Variants in TPR observed in about 807,000 individuals in gnomAD.
TPR encodes the protein nucleoprotein TPR.
TPR carries 51 observed loss-of-function variants against 316.1 expected under a neutral mutation model. The ratio of observed to expected loss-of-function variants is 0.16; its 90% CI spans 0.13 to 0.20. TPR has a LOEUF of 0.20. Among genes scored for constraint, TPR ranks in the 10% least tolerant of loss-of-function variants. TPR has a pLI of 1.00. For synonymous variants in TPR, 981 were observed against 914.7 expected (o/e 1.07, Z -1.31); for missense variants, 2,272 against 2,754.8 (o/e 0.82, Z 3.92).
Position 186,323,750 on chromosome 1 carries a change from G to A in TPR, c.6233C>T (p.Pro2078Leu), listed in dbSNP as rs1394151332. 1 of 1,539,334 alleles carries A rather than the reference G, an allele frequency of 6.5e-7. No individual in the cohort carries two copies. The highest frequency in any genetic ancestry group is 1.4e-5 in the African/African-American group (1 of 69,078). The part of the protein sequence containing the change: ...PRAPQSPRRP[P>L]HPLPPRLTIH... ...GGTCAGTCTTGGGGGAAGTGGATGTGGTGGGCGTCTCGGTGACTGAGGTGC... is the reference window on the plus strand; with the variant it reads ...GGTCAGTCTTGGGGGAAGTGGATGTAGTGGGCGTCTCGGTGACTGAGGTGC... Residue 2078 changes from proline to leucine, a missense_variant, in exon 43 of 51, where the codon CCA (proline) becomes CTA (leucine). Physicochemically the swap from Pro to Leu is moderately conservative, Grantham distance 98. Around this residue, in one of 10 missense-constraint regions of TPR, gnomAD observed 435 missense variants for 461.1 expected, o/e 0.94. Transcript: ENST00000367478.
chr1:186,346,788 T>C (rs902373528), intron 22 of TPR, among the ~76,000 whole-genome samples: 20 of 152,300 alleles, frequency 1.3e-4, no homozygotes, highest in Admixed American at 5.9e-4. Context: ...TGGCTCTTAA[T>C]AAACCTACAG....
At position 186,322,570 on chromosome 1, in the gene TPR, C is replaced by T; in HGVS notation, c.6314G>A (p.Arg2105Gln). The T allele has an allele frequency of 6.2e-7, 1 of 1,614,022 alleles. No homozygotes were observed. Among genetic ancestry groups the T allele is most frequent in the Non-Finnish European group, 8.5e-7 (1 of 1,179,946 alleles). ...GPPVQRIQMT[R>Q]RQSVGRGLQL... ...AAGGCCACGTCCTACAGACTGCCTT[C>T]GGGTCATCTGAATTCTCTGCGTGTC... Residue 2105 changes from arginine to glutamine, a missense_variant, in exon 44 of 51, where the codon CGA (arginine) becomes CAA (glutamine). By Grantham distance (43) the Arg-to-Gln change is conservative. This residue lies in a region of TPR where 88 missense variants were observed against 176.2 expected (regional missense o/e 0.50). Transcript: ENST00000367478.
At chr1:186,374,732 C>T in intron 1 of TPR, 146 bp downstream of exon 1, 2 of 804,652 alleles carry the variant, frequency 2.5e-6, no homozygotes, top group African/African-American at 1.7e-5. Context: ...CTGTAAGGAG[C>T]AGGAAAGCGA....
At chr1:186,360,939 C>A in intron 9 of TPR, 34 bp from the exon 10 acceptor site, 21 of 1,593,006 alleles carry the variant, frequency 1.3e-5, no homozygotes, top group Non-Finnish European at 1.8e-5. Flanking sequence ...AATATTCAAA[C>A]ATACAGTTAA....
Position 186,367,917 on chromosome 1 carries a change from C to T in TPR, c.396G>A (p.Glu132=). Residue 132 remains glutamate, a synonymous_variant, in exon 4 of 51, where the codon GAG becomes GAA. Coordinates refer to ENST00000367478, the MANE Select transcript of TPR (RefSeq NM_003292.3). ...AGTATTCAAGTTCTTGAGATAGTCT[C>T]TCATTGGTTCTAATTAAGTCTCTTT... ...AEKRDLIRTN[E]RLSQELEYLT... is the part of the protein sequence containing the mutation. 6.2e-7 allele frequency: 1 copy of T among 1,611,308 alleles called. No homozygotes were observed. Among genetic ancestry groups the T allele is most frequent in the South Asian group, 1.1e-5 (1 of 91,042 alleles).
intron 36 of TPR, among the ~76,000 whole-genome samples, chr1:186,333,733 G>C (rs557241859): frequency 9.9e-5 from 15 of 152,114 alleles, no homozygotes; most frequent in Non-Finnish European, 1.8e-4. Context: ...ATAACAGATA[G>C]TAAATTTGAT....
chr1:186,363,804 T>C (rs1659259961), intron 4 of TPR, among the ~76,000 whole-genome samples: 1 of 152,112 alleles, frequency 6.6e-6, no homozygotes, highest in African/African-American at 2.4e-5. Flanking sequence ...AAATCCATGA[T>C]ACAAACTTAA....
At chr1:186,370,341 G>A (rs889056116) in intron 3 of TPR, among the ~76,000 whole-genome samples, 3 of 151,908 alleles carry the variant, frequency 2.0e-5, no homozygotes, top group African/African-American at 4.8e-5. Context: ...ATTTATAAAG[G>A]TATATTCTCA....
intron 12 of TPR, 76 bp downstream of exon 12, chr1:186,359,723 T>C (rs1022071481): frequency 6.8e-7 from 1 of 1,463,236 alleles, no homozygotes; most frequent in Non-Finnish European, 9.1e-7. Context: ...TCAATCACCT[T>C]AAGAAAAAAA....
chr1:186,360,176 G>A, intron 11 of TPR, 97 bp downstream of exon 11: 2 of 1,415,168 alleles, frequency 1.4e-6, no homozygotes, highest in South Asian at 1.3e-5. Flanking sequence ...ATTATAAGAT[G>A]ATTTTAAAAA....
At chr1:186,337,997 T>G (rs1484991457) in intron 31 of TPR, 36 bp downstream of exon 31, 3 of 1,490,244 alleles carry the variant, frequency 2.0e-6, no homozygotes, top group Non-Finnish European at 2.7e-6. Flanking sequence ...ACATTCATCC[T>G]AGTTTTTTTT....
chr1:186,327,106 TAA>T (rs1432104107), intron 40 of TPR, among the ~76,000 whole-genome samples: 1 of 9,990 alleles, frequency 1.0e-4, no homozygotes, highest in Non-Finnish European at 2.0e-4. Context: ...ATTATATATA[TAA>T]ATATATATAA....
chr1:186,355,804 G>A, intron 15 of TPR, 36 bp from the exon 16 acceptor site: 1 of 1,605,220 alleles, frequency 6.2e-7, no homozygotes, highest in East Asian at 2.2e-5. Context: ...ATGCTTTGTT[G>A]GCTTTCATAA....
rs1032738243 is a variant in TPR at position 186,312,076 on chromosome 1, C to T, written c.*1895G>A. On this transcript the variant is annotated 3_prime_UTR_variant, in exon 51 of 51. Transcript: ENST00000367478. ...CAATATATTATATGAAAAATGAGAA[C>T]AAAACTGTTTCCTATACATTGTAAA... 3.5e-5 allele frequency: 34 copies of T among 976,910 alleles called. No homozygotes were observed. The Admixed American group carries it at 6.7e-4, about 19-fold the overall frequency. The allele number at this position is 976,910 out of a possible 1,614,324, so 60.5% of individuals were successfully genotyped here. A position where few individuals can be genotyped will look rare whatever the true frequency, so the allele number is the denominator to read the frequency against.
chr1:186,361,038 C>A (rs1452095578), intron 9 of TPR, 133 bp from the exon 10 acceptor site: 6 of 939,898 alleles, frequency 6.4e-6, no homozygotes, highest in Non-Finnish European at 7.7e-6. Flanking sequence ...CTGACAGTAT[C>A]TATTGAAAGT....
chr1:186,352,514 A>T (rs1658894528), intron 18 of TPR, among the ~76,000 whole-genome samples: 1 of 152,192 alleles, frequency 6.6e-6, no homozygotes, highest in South Asian at 2.1e-4. Flanking sequence ...GTGATGATTG[A>T]TCTATTTAAA....
At chr1:186,331,339 A>G (rs1315616669) in intron 39 of TPR, among the ~76,000 whole-genome samples, 159 bp downstream of exon 39, 1 of 152,136 alleles carries the variant, frequency 6.6e-6, no homozygotes, top group African/African-American at 2.4e-5. Context: ...CATAGGAGTA[A>G]AAGAAAGCAG....
At chr1:186,323,277 A>G (rs1186737888) in intron 43 of TPR, among the ~76,000 whole-genome samples, 1 of 152,216 alleles carries the variant, frequency 6.6e-6, no homozygotes, top group East Asian at 1.9e-4. Context: ...AGAAATGAGA[A>G]AAAATATTCT....
chr1:186,325,267 A>G (rs1218643152), intron 42 of TPR, among the ~76,000 whole-genome samples: 1 of 152,184 alleles, frequency 6.6e-6, no homozygotes, highest in Non-Finnish European at 1.5e-5. Flanking sequence ...TACGACTTCC[A>G]TACTCTTTTA....
Sources: gnomAD v4.1 joint callset for allele counts (sites outside exome capture counted in the v4.1 genomes callset) on GRCh38, gnomAD v4.1.1 for gene constraint, gnomAD v4.1.1 regional missense constraint, MANE v1.5 for transcripts, NCBI Gene and HGNC (gene_info 2026-07-23, HGNC 2026-07-21) for gene names.